The following SMARCAL1 variants were observed in gnomAD, a reference collection of about 807,000 sequenced individuals.
SMARCAL1 encodes SNF2 related chromatin remodeling annealing helicase 1, also known as ATP-driven annealing helicase.
Under a neutral mutation model 94.5 loss-of-function variants are expected in SMARCAL1, and 58 were observed. That is an observed-to-expected ratio of 0.61 (90% CI 0.50 to 0.76). The LOEUF (loss-of-function observed/expected upper bound fraction) is 0.76, where lower values mean the gene tolerates loss of function less well. SMARCAL1 is among the 30% of genes least tolerant of loss of function. The pLI, the probability that SMARCAL1 is intolerant of heterozygous loss-of-function variation, is 0.00. For synonymous variants in SMARCAL1, 422 were observed against 455.1 expected, an observed-to-expected ratio of 0.93 and a Z score of 0.93; for missense variants, 1,051 against 1,177.9, an observed-to-expected ratio of 0.89 and a Z score of 1.58.
At position 216,420,507 on chromosome 2, in the gene SMARCAL1, T is replaced by G. The variant is rs776604578; in HGVS notation, c.1071T>G (p.Phe357Leu). ...ATTCACAGGACCTTATTGCGCTTTT[T>G]AAACAGATGGATTCCAGAAGATATG... ...ISYSQDLIALFKQMDSRRYDV... is the reference protein window; with the variant it reads ...ISYSQDLIALLKQMDSRRYDV... Residue 357 changes from phenylalanine to leucine, a missense_variant, in exon 5 of 18, where the codon TTT (phenylalanine) becomes TTG (leucine). This residue lies in a region of SMARCAL1 where 642 missense variants were observed against 754.7 expected (regional missense o/e 0.85). Coordinates refer to ENST00000357276, the MANE Select transcript of SMARCAL1 (RefSeq NM_014140.4). 19 of 1,614,064 alleles carry G rather than the reference T, an allele frequency of 1.2e-5. No homozygotes were observed. Among genetic ancestry groups the G allele is most frequent in the Non-Finnish European group, 1.6e-5 (19 of 1,179,872 alleles).
intron 9 of SMARCAL1, among the ~76,000 whole-genome samples, chr2:216,438,053 G>T (rs952935140): frequency 1.3e-5 from 2 of 152,228 alleles, no homozygotes; most frequent in African/African-American, 4.8e-5. Flanking sequence ...ACCAGTGCAG[G>T]GCCCATTATG....
In SMARCAL1 at chr2:216,482,817, C is replaced by G; in HGVS notation, c.2705C>G (p.Ala902Gly). The G allele has an allele frequency of 6.2e-7, 1 of 1,614,152 alleles. No individual in the cohort carries two copies. Among genetic ancestry groups the G allele is most frequent in the Non-Finnish European group, 8.5e-7 (1 of 1,180,022 alleles). ...KEGSDMELLE[A>G]AESFDPGSAS... ...GGAAGTGATATGGAGCTCCTGGAAG[C>G]AGCAGAGTCCTTTGACCCAGGAAGT... Residue 902 changes from alanine (A) to glycine (G), a missense_variant, in exon 18 of 18, where the codon GCA becomes GGA. Coordinates refer to ENST00000357276, the MANE Select transcript of SMARCAL1 (RefSeq NM_014140.4). This position sits in a 1 kb window ranked among gnomAD's most constrained non-coding sequence, Gnocchi z 4.3.
chr2:216,413,136 T>C (rs1693502838), intron 1 of SMARCAL1, among the ~76,000 whole-genome samples: 1 of 104,762 alleles, frequency 9.5e-6, no homozygotes, highest in Non-Finnish European at 1.9e-5. Context: ...TGGGGATAGA[T>C]ACTTCGTGGT....
At chr2:216,423,752 A>G in intron 6 of SMARCAL1, 69 bp downstream of exon 6, 1 of 1,403,056 alleles carries the variant, frequency 7.1e-7, no homozygotes, top group East Asian at 2.3e-5. Context: ...CTTAAATTTG[A>G]TGTATTTTTG....
At chr2:216,414,598 CAATT>C (rs1693543247) in intron 2 of SMARCAL1, 45 bp from the exon 3 acceptor site, 2 of 950,914 alleles carry the variant, frequency 2.1e-6, no homozygotes, top group African/African-American at 1.6e-5. Context: ...TGGAGTATGA[CAATT>C]AATACATGTA....
chr2:216,438,549 G>T, intron 10 of SMARCAL1, 64 bp downstream of exon 10: 1 of 1,425,920 alleles, frequency 7.0e-7, no homozygotes, highest in Non-Finnish European at 9.8e-7. Context: ...GCTCAGGCTT[G>T]CATGTCGTCC....
At chr2:216,446,500 G>A (rs1174882007) in intron 10 of SMARCAL1, among the ~76,000 whole-genome samples, 1 of 152,200 alleles carries the variant, frequency 6.6e-6, no homozygotes, top group Non-Finnish European at 1.5e-5. Flanking sequence ...AGGGCTGATT[G>A]TAATTGTCAT....
intron 8 of SMARCAL1, among the ~76,000 whole-genome samples, chr2:216,434,949 C>T (rs1248960395): frequency 6.6e-6 from 1 of 150,454 alleles, no homozygotes; most frequent in Non-Finnish European, 1.5e-5. Flanking sequence ...ACCTCCACTT[C>T]CCGGGTTCAA....
intron 9 of SMARCAL1, among the ~76,000 whole-genome samples, chr2:216,437,375 T>C (rs1694102096): frequency 6.6e-6 from 1 of 152,240 alleles, no homozygotes; most frequent in Non-Finnish European, 1.5e-5. Context: ...TGCTGTGCTT[T>C]TGTGGCCCTT....
At chr2:216,434,801 T>G (rs1193690720) in intron 8 of SMARCAL1, among the ~76,000 whole-genome samples, 1 of 150,632 alleles carries the variant, frequency 6.6e-6, no homozygotes, top group Non-Finnish European at 1.5e-5. Flanking sequence ...GCTGTGATGG[T>G]GCCACTGTAC....
At chr2:216,419,592 A>G (rs891881261) in intron 4 of SMARCAL1, among the ~76,000 whole-genome samples, 20 of 152,274 alleles carry the variant, frequency 1.3e-4, no homozygotes, top group Non-Finnish European at 2.1e-4. Flanking sequence ...GCGACCTAGG[A>G]GTGGGCTTAA....
chr2:216,423,280 G>A (rs986884336), intron 5 of SMARCAL1, among the ~76,000 whole-genome samples: 4 of 152,192 alleles, frequency 2.6e-5, no homozygotes, highest in African/African-American at 4.8e-5. Context: ...GCACAGTGCC[G>A]GGCTGAATGC....
intron 17 of SMARCAL1, chr2:216,479,164 A>T (rs1198491437): frequency 6.6e-6 from 1 of 152,302 alleles, no homozygotes; most frequent in Non-Finnish European, 1.5e-5. Flanking sequence ...CTCATGGTTG[A>T]ATTGTTTCTG....
At chr2:216,425,975 G>A (rs969924956) in intron 6 of SMARCAL1, among the ~76,000 whole-genome samples, 2 of 152,224 alleles carry the variant, frequency 1.3e-5, no homozygotes, top group African/African-American at 4.8e-5. Flanking sequence ...GAAGTTGTCT[G>A]CCTCCTGCTG....
rs2106077346 is a variant in SMARCAL1 at position 216,468,063 on chromosome 2, A to G, written c.2244+17A>G. The G allele has an allele frequency of 6.4e-7, 1 of 1,560,174 alleles. No individual in the cohort carries two copies. The highest frequency in any genetic ancestry group is 8.8e-7 in the Non-Finnish European group (1 of 1,130,994). On this transcript the variant is annotated intron_variant, in intron 14 of 17. Transcript: ENST00000357276. ...GAGAGAAAGGTGAGCTCCCTTTGAA[A>G]TTCACCATGGGCTACTTTTGCCATG...
In SMARCAL1 at chr2:216,454,457, G is replaced by A. The variant is rs118179908; in HGVS notation, c.2070+3393G>A. 1.4e-4 allele frequency among the ~76,000 whole-genome samples: 21 copies of A among 152,300 alleles called. No individual in the cohort carries two copies. The East Asian group carries it at 3.9e-3, about 28-fold the overall frequency. ...TCTCACCATCAGCCCAGATATTTGA[G>A]CCTCAGAGCCTGCACTTTTAAGTGC... On this transcript the variant is annotated intron_variant, in intron 12 of 17. Coordinates refer to ENST00000357276, the MANE Select transcript of SMARCAL1 (RefSeq NM_014140.4).
intron 17 of SMARCAL1, among the ~76,000 whole-genome samples, chr2:216,480,006 C>T (rs2106091771): frequency 6.6e-6 from 1 of 152,242 alleles, no homozygotes; most frequent in South Asian, 2.1e-4. Context: ...GGGCCAAGAT[C>T]ACACCACTGC....
chr2:216,419,684 C>T (rs80097651), intron 4 of SMARCAL1, among the ~76,000 whole-genome samples: 3,354 of 152,090 alleles, frequency 0.022, 141 homozygotes, highest in African/African-American at 0.077. Flanking sequence ...TTCATCCTGG[C>T]GAGCTTCCTC....
chr2:216,425,176 C>T (rs1363232067), intron 6 of SMARCAL1, among the ~76,000 whole-genome samples: 3 of 152,210 alleles, frequency 2.0e-5, no homozygotes, highest in African/African-American at 2.4e-5. Context: ...CCACTGAGGG[C>T]GAGCTAGGCA....
Sources: allele counts gnomAD v4.1 joint callset (sites outside exome capture counted in the v4.1 genomes callset), GRCh38; gene constraint gnomAD v4.1.1; regional missense constraint gnomAD v4.1.1; non-coding constraint Gnocchi (gnomAD v3.1); transcripts MANE v1.5; gene names NCBI Gene and HGNC (gene_info 2026-07-23, HGNC 2026-07-21).